The following PLCB4 variants were observed in gnomAD, a reference collection of about 807,000 sequenced individuals.
PLCB4 encodes the protein phospholipase C beta 4.
PLCB4 carries 77 observed loss-of-function variants against 178.8 expected under a neutral mutation model. The ratio of observed to expected loss-of-function variants is 0.43; its 90% CI spans 0.36 to 0.52. The LOEUF is 0.52. Among genes scored for constraint, PLCB4 ranks in the 20% least tolerant of loss-of-function variants. The pLI is 0.00. For missense variants in PLCB4, 1,024 were observed against 1,453.4 expected, an observed-to-expected ratio of 0.70 and a Z score of 4.80; for synonymous variants, 496 against 490.8, an observed-to-expected ratio of 1.01 and a Z score of -0.14.
intron 3 of PLCB4, among the ~76,000 whole-genome samples, chr20:9,254,748 C>G (rs1050345071): frequency 6.6e-6 from 1 of 152,094 alleles, no homozygotes; most frequent in South Asian, 2.1e-4. Context: ...TAATTATTCT[C>G]TAATATTTAT....
In PLCB4 at chr20:9,437,030, CT is replaced by C. The variant is rs1568833138; in HGVS notation, c.2644del (p.Ser882ProfsTer16). The C allele has an allele frequency of 6.2e-7, 1 of 1,614,062 alleles. No individual in the cohort carries two copies. The highest frequency in any genetic ancestry group is 1.7e-5 in the Admixed American group (1 of 60,022). On this transcript the variant is annotated frameshift_variant, in exon 30 of 40. Coordinates refer to ENST00000378473, the MANE Select transcript of PLCB4 (RefSeq NM_001377142.1). LOFTEE classifies it high-confidence loss of function. ...GACATAGCCGACGTGCCCAGTGACA[CT>C]TCCAAAAATGACAAGAAAGGAAAGG... ...TSDIADVPSD[T>X]SKNDKKGKAN...
At chr20:9,436,957 C>G in intron 29 of PLCB4, 45 bp from the exon 30 acceptor site, 2 of 1,587,536 alleles carry the variant, frequency 1.3e-6, no homozygotes, top group Non-Finnish European at 8.6e-7. Context: ...GATATTTGAC[C>G]TTGAGTGACA....
At position 9,069,253 on chromosome 20, in the gene PLCB4, C is replaced by CT. The variant is rs1053007288; in HGVS notation, c.-135+49dup. Reference sequence around the variant, plus strand: ...CCCGCCCGAGGATGCTCCCGCCCGCCTTGGCCCTCAGGGCTTGTTTGCTTT... The same window carrying CT: ...CCCGCCCGAGGATGCTCCCGCCCGCCTTTGGCCCTCAGGGCTTGTTTGCTTT... On this transcript the variant is annotated intron_variant, in intron 1 of 39. Coordinates refer to ENST00000378473, the MANE Select transcript of PLCB4 (RefSeq NM_001377142.1). The CT allele has an allele frequency of 5.4e-4, 83 of 152,556 alleles. 1 individual carries two copies. The highest frequency in any genetic ancestry group is 8.8e-4 in the Non-Finnish European group (60 of 68,036). The allele number at this position is 152,556 out of a possible 1,614,324, so 9.5% of individuals were successfully genotyped here.
At chr20:9,156,819 GCCTCCCTCCCTCCCTCCCTCCCTC>G (rs56668698) in intron 2 of PLCB4, among the ~76,000 whole-genome samples, 1 of 31,284 alleles carries the variant, frequency 3.2e-5, no homozygotes, top group Non-Finnish European at 5.3e-5. Flanking sequence ...TTACAGGGTT[GCCTCCCTCCCTCCCTCCCTCCCTC>G]CCTCCCTCCC....
chr20:9,396,880 A>T (rs963610168), intron 19 of PLCB4, among the ~76,000 whole-genome samples: 6 of 152,256 alleles, frequency 3.9e-5, no homozygotes, highest in Non-Finnish European at 8.8e-5. Flanking sequence ...CTAAACCTGC[A>T]TCATATTGAA....
intron 9 of PLCB4, chr20:9,370,964 T>C (rs1174637241): frequency 2.5e-6 from 1 of 398,326 alleles, no homozygotes; most frequent in Non-Finnish European, 4.5e-6. Context: ...TTGCCCCTTG[T>C]TCTCCCAAGC....
At chr20:9,460,537 T>A (rs949318024) in intron 35 of PLCB4, among the ~76,000 whole-genome samples, 5 of 152,206 alleles carry the variant, frequency 3.3e-5, no homozygotes, top group Middle Eastern at 3.2e-3. Context: ...TTCAGCAAAG[T>A]GAATATTGCA....
At chr20:9,081,876 T>A (rs572377381) in intron 1 of PLCB4, among the ~76,000 whole-genome samples, 28 of 151,172 alleles carry the variant, frequency 1.9e-4, no homozygotes, top group South Asian at 2.1e-4. Context: ...AGTAGCAGAA[T>A]AATCAATTTG....
At chr20:9,475,353 A>T (rs1368898812) in intron 38 of PLCB4, among the ~76,000 whole-genome samples, 2 of 152,206 alleles carry the variant, frequency 1.3e-5, no homozygotes, top group Non-Finnish European at 2.9e-5. Flanking sequence ...TTGAGCTTTT[A>T]TCCTAACACA....
chr20:9,202,935 A>G (rs1030004754), intron 2 of PLCB4, among the ~76,000 whole-genome samples: 1 of 151,562 alleles, frequency 6.6e-6, no homozygotes, highest in Non-Finnish European at 1.5e-5. Context: ...TCAAAAAAAC[A>G]AAAACAAAAA....
chr20:9,279,586 G>A (rs902312547), intron 3 of PLCB4, among the ~76,000 whole-genome samples: 1 of 151,976 alleles, frequency 6.6e-6, no homozygotes, highest in African/African-American at 2.4e-5. Context: ...TTTGAGATAT[G>A]AAAGATATTT....
At chr20:9,094,933 C>T (rs1428904723) in intron 1 of PLCB4, among the ~76,000 whole-genome samples, 1 of 152,142 alleles carries the variant, frequency 6.6e-6, no homozygotes, top group African/African-American at 2.4e-5. Context: ...GCAGCTCTTA[C>T]CATCACTATA....
intron 2 of PLCB4, among the ~76,000 whole-genome samples, chr20:9,097,838 A>G (rs1468418207): frequency 2.6e-5 from 4 of 152,190 alleles, no homozygotes; most frequent in Non-Finnish European, 4.4e-5. Context: ...ATACTATATC[A>G]TTGGAAATCT....
At chr20:9,091,072 T>G (rs1319341155) in intron 1 of PLCB4, among the ~76,000 whole-genome samples, 1 of 152,172 alleles carries the variant, frequency 6.6e-6, no homozygotes, top group East Asian at 1.9e-4. Flanking sequence ...CCCCAGGGTC[T>G]TGGTGCCACA....
intron 7 of PLCB4, among the ~76,000 whole-genome samples, chr20:9,356,823 A>T (rs1480255274): frequency 2.0e-5 from 3 of 152,210 alleles, no homozygotes; most frequent in African/African-American, 7.2e-5. Flanking sequence ...CCATTCACTT[A>T]AACAAAAATG....
At chr20:9,173,511 C>T (rs1600890515) in intron 2 of PLCB4, among the ~76,000 whole-genome samples, 1 of 152,168 alleles carries the variant, frequency 6.6e-6, no homozygotes, top group Non-Finnish European at 1.5e-5. Flanking sequence ...TATTATCTTA[C>T]ACTTCTTGAT....
chr20:9,366,936 T>A (rs556859540), intron 9 of PLCB4, among the ~76,000 whole-genome samples: 1 of 152,342 alleles, frequency 6.6e-6, no homozygotes, highest in Non-Finnish European at 1.5e-5. Context: ...AATTGATCTG[T>A]CTTTCAGAAA....
intron 3 of PLCB4, among the ~76,000 whole-genome samples, chr20:9,296,372 A>C (rs1219782131): frequency 1.3e-5 from 2 of 152,220 alleles, no homozygotes; most frequent in African/African-American, 2.4e-5. Flanking sequence ...GGTGCTGGAG[A>C]GGATGTGGAG....
intron 4 of PLCB4, among the ~76,000 whole-genome samples, chr20:9,313,808 T>G (rs1014278330): frequency 6.6e-6 from 1 of 152,216 alleles, no homozygotes; most frequent in Non-Finnish European, 1.5e-5. Context: ...TTCTCAGTTT[T>G]AAACTCTAGG....
Sources: allele counts gnomAD v4.1 joint callset (sites outside exome capture counted in the v4.1 genomes callset), GRCh38; gene constraint gnomAD v4.1.1; transcripts MANE v1.5; gene names NCBI Gene and HGNC (gene_info 2026-07-23, HGNC 2026-07-21).